The following HPSE2 variants were observed in gnomAD, a reference collection of about 807,000 sequenced individuals.
HPSE2 encodes the protein heparanase 2 (inactive).
HPSE2 carries 38 observed loss-of-function variants against 60.5 expected under a neutral mutation model. The ratio of observed to expected loss-of-function variants is 0.63; its 90% CI spans 0.48 to 0.82. The LOEUF is 0.82. Ranked by LOEUF, HPSE2 falls within the 40% of genes least tolerant of loss-of-function variation. HPSE2 has a pLI of 0.00. For synonymous variants in HPSE2, 295 were observed against 293.2 expected (o/e 1.01, Z -0.06); for missense variants, 713 against 740.4 (o/e 0.96, Z 0.43).
At chr10:98,991,857 C>T (rs1392578385) in intron 3 of HPSE2, among the ~76,000 whole-genome samples, 1 of 152,108 alleles carries the variant, frequency 6.6e-6, no homozygotes, top group East Asian at 1.9e-4. Context: ...TCATGCTCCA[C>T]CAACATAAAA....
chr10:99,020,845 T>C (rs1957246372), intron 3 of HPSE2, among the ~76,000 whole-genome samples: 1 of 152,116 alleles, frequency 6.6e-6, no homozygotes, highest in Non-Finnish European at 1.5e-5. Flanking sequence ...CCACCAGCTT[T>C]TTCATAAATA....
chr10:98,949,169 T>C (rs1021189876), intron 3 of HPSE2, among the ~76,000 whole-genome samples: 2 of 152,044 alleles, frequency 1.3e-5, no homozygotes, highest in African/African-American at 4.8e-5. Context: ...AACCAAGTGT[T>C]TTAAAAGAAT....
At chr10:98,998,819 T>C (rs1956708380) in intron 3 of HPSE2, among the ~76,000 whole-genome samples, 1 of 152,208 alleles carries the variant, frequency 6.6e-6, no homozygotes, top group Non-Finnish European at 1.5e-5. Context: ...TACTCTACTC[T>C]TTCACAAGGC....
At chr10:98,532,908 G>C (rs111596182) in intron 9 of HPSE2, among the ~76,000 whole-genome samples, 1 of 152,110 alleles carries the variant, frequency 6.6e-6, no homozygotes, top group Non-Finnish European at 1.5e-5. Context: ...TCAGGGATGA[G>C]GGCTGACCTG....
intron 3 of HPSE2, among the ~76,000 whole-genome samples, chr10:99,039,740 T>C (rs1327417608): frequency 6.6e-6 from 1 of 151,966 alleles, no homozygotes; most frequent in Non-Finnish European, 1.5e-5. Flanking sequence ...CTAGGGATTA[T>C]AGCACAAGGA....
In HPSE2 at chr10:99,232,534, G is replaced by C. The variant is rs372080554; in HGVS notation, c.291-29C>G. On this transcript the variant is annotated intron_variant, in intron 1 of 11. Coordinates refer to ENST00000370552, the MANE Select transcript of HPSE2 (RefSeq NM_021828.5). ...CAGAGGAAGAGAATAAGAGAGGAAA[G>C]GTTCCCAGGACAGGACGAGAGCGCG... The C allele has an allele frequency of 6.3e-5, 97 of 1,549,750 alleles. No individual in the cohort carries two copies. The African/African-American group carries it at 1.3e-3, about 20-fold the overall frequency.
intron 7 of HPSE2, among the ~76,000 whole-genome samples, chr10:98,627,069 G>T (rs960698241): frequency 9.2e-5 from 14 of 152,270 alleles, no homozygotes; most frequent in African/African-American, 3.4e-4. Context: ...CACCGCACCC[G>T]GCCGAGATGA....
At chr10:99,117,953 G>A (rs1276529295) in intron 3 of HPSE2, among the ~76,000 whole-genome samples, 1 of 152,002 alleles carries the variant, frequency 6.6e-6, no homozygotes, top group African/African-American at 2.4e-5. Flanking sequence ...GATGAACATC[G>A]ATGCAAAAAT....
chr10:98,759,513 A>G, intron 3 of HPSE2, among the ~76,000 whole-genome samples: 1 of 152,060 alleles, frequency 6.6e-6, no homozygotes, highest in Non-Finnish European at 1.5e-5. Context: ...CAGTGTGTGT[A>G]TATCCAGTAT....
At chr10:99,114,968 G>C (rs899532546) in intron 3 of HPSE2, among the ~76,000 whole-genome samples, 3 of 150,664 alleles carry the variant, frequency 2.0e-5, no homozygotes, top group Non-Finnish European at 4.4e-5. Flanking sequence ...ATATCCTTTA[G>C]TTTTTTTTGT....
chr10:98,688,492 T>TTTTTTTTTTTTTTTTTTTTTTTTTTG (rs1397644993), intron 6 of HPSE2, among the ~76,000 whole-genome samples: 1 of 145,414 alleles, frequency 6.9e-6, no homozygotes, highest in East Asian at 2.0e-4. Flanking sequence ...TTTTTTTTTT[T>TTTTTTTTTTTTTTTTTTTTTTTTTTG]TGAGGCAGAA....
intron 3 of HPSE2, among the ~76,000 whole-genome samples, chr10:98,790,909 C>G (rs948715377): frequency 6.6e-6 from 1 of 152,016 alleles, no homozygotes; most frequent in Non-Finnish European, 1.5e-5. Context: ...TAAGAAAAAG[C>G]TTCAAAAAAC....
chr10:98,707,154 G>T (rs1948568322), intron 5 of HPSE2, among the ~76,000 whole-genome samples: 1 of 151,930 alleles, frequency 6.6e-6, no homozygotes, highest in Non-Finnish European at 1.5e-5. Context: ...AGAAAGAAGG[G>T]AATGCCAAAA....
chr10:98,618,830 G>A (rs569597485), intron 8 of HPSE2, among the ~76,000 whole-genome samples: 1 of 152,220 alleles, frequency 6.6e-6, no homozygotes, highest in African/African-American at 2.4e-5. Context: ...GTCCACTTTG[G>A]CCTCCCAAAG....
At chr10:99,312,088 A>G in the HPSE2 span, among the ~76,000 whole-genome samples, 1 of 152,236 alleles carries the variant, frequency 6.6e-6, no homozygotes, top group Non-Finnish European at 1.5e-5. Flanking sequence ...TGGGACTAGT[A>G]AAGTGTGGTT....
intron 3 of HPSE2, among the ~76,000 whole-genome samples, chr10:99,026,463 A>G (rs1240931488): frequency 6.6e-6 from 1 of 152,118 alleles, no homozygotes. Flanking sequence ...ACCTAGATAT[A>G]TAAGTACAAA....
intron 2 of HPSE2, among the ~76,000 whole-genome samples, chr10:99,151,166 C>T (rs1207881708): frequency 1.3e-5 from 2 of 151,210 alleles, no homozygotes. Context: ...CAACAAAGAT[C>T]AGCAAGAGGG....
At chr10:98,956,917 C>T (rs1046293063) in intron 3 of HPSE2, among the ~76,000 whole-genome samples, 23 of 152,122 alleles carry the variant, frequency 1.5e-4, no homozygotes, top group African/African-American at 5.6e-4. Context: ...TGCAAAATCC[C>T]TGAAGTGGGA....
At chr10:98,800,018 A>T (rs1950869267) in intron 3 of HPSE2, among the ~76,000 whole-genome samples, 1 of 152,064 alleles carries the variant, frequency 6.6e-6, no homozygotes, top group African/African-American at 2.4e-5. Flanking sequence ...AAGATAAACA[A>T]AATTGACAAA....
Sources: gnomAD v4.1 joint callset for allele counts (sites outside exome capture counted in the v4.1 genomes callset) on GRCh38, gnomAD v4.1.1 for gene constraint, MANE v1.5 for transcripts, NCBI Gene and HGNC (gene_info 2026-07-23, HGNC 2026-07-21) for gene names.